RALA: variants seen among roughly 807,000 people sequenced by gnomAD.
RALA encodes ras-related protein Ral-A.
In RALA, 5 loss-of-function variants were observed where a neutral mutation model predicts 24.0. That is an observed-to-expected ratio of 0.21 (90% CI 0.11 to 0.44). RALA has a LOEUF of 0.44. Ranked by LOEUF, RALA falls within the 20% of genes least tolerant of loss-of-function variation. The pLI is 0.99. For missense variants in RALA, 95 were observed against 241.2 expected (o/e 0.39, Z 4.01); for synonymous variants, 77 against 83.8 (o/e 0.92, Z 0.44).
In RALA at chr7:39,706,398, A is replaced by G. The variant is rs1054767082; in HGVS notation, c.*153A>G. ...TGAATTGGAACTGCAATGAAAGTCA[A>G]ATTTACTTTAAAAAGAAATTAATAT... On this transcript the variant is annotated 3_prime_UTR_variant, in exon 5 of 5. Coordinates refer to ENST00000005257, the MANE Select transcript of RALA (RefSeq NM_005402.4). 2 of 773,008 alleles carry G rather than the reference A, an allele frequency of 2.6e-6. No individual in the cohort carries two copies. Among genetic ancestry groups the G allele is most frequent in the South Asian group, 2.0e-5 (1 of 50,824 alleles). 47.9% of individuals were successfully genotyped at this position (773,008 alleles called of 1,614,324 possible). A position where few individuals can be genotyped will look rare whatever the true frequency, so the allele number is the denominator to read the frequency against.
chr7:39,641,476 G>C (rs1791815979), intron 1 of RALA, among the ~76,000 whole-genome samples: 1 of 152,084 alleles, frequency 6.6e-6, no homozygotes, highest in Admixed American at 6.5e-5. Context: ...ACTTCTCATG[G>C]ACGTTCTTTT....
At chr7:39,695,770 CTT>C (rs1464320260) in intron 3 of RALA, among the ~76,000 whole-genome samples, 4 of 152,138 alleles carry the variant, frequency 2.6e-5, no homozygotes, top group Non-Finnish European at 5.9e-5. Context: ...AGAGGGCTGA[CTT>C]TACTTACGTT....
chr7:39,690,699 C>T, intron 3 of RALA, 109 bp downstream of exon 3: 2 of 837,942 alleles, frequency 2.4e-6, no homozygotes, highest in Non-Finnish European at 3.7e-6. Flanking sequence ...TACTCTGTCT[C>T]TAATTGTGTT....
chr7:39,647,734 T>C (rs1051565545), intron 1 of RALA, among the ~76,000 whole-genome samples: 10 of 152,144 alleles, frequency 6.6e-5, no homozygotes, highest in African/African-American at 2.4e-4. Context: ...GATCCCTTGC[T>C]CCTTCCACCA....
At chr7:39,628,710 C>T (rs1240267503) in intron 1 of RALA, among the ~76,000 whole-genome samples, 1 of 152,192 alleles carries the variant, frequency 6.6e-6, no homozygotes, top group Non-Finnish European at 1.5e-5. Flanking sequence ...CACGCGGCAC[C>T]ATGCCTGGCT....
At chr7:39,673,429 A>G (rs910264484) in intron 1 of RALA, among the ~76,000 whole-genome samples, 2 of 152,094 alleles carry the variant, frequency 1.3e-5, no homozygotes, top group African/African-American at 4.8e-5. Context: ...GTCATGCTTT[A>G]TGTTACTTAA....
chr7:39,626,594 T>C (rs1323644000), intron 1 of RALA, among the ~76,000 whole-genome samples: 1 of 152,218 alleles, frequency 6.6e-6, no homozygotes, highest in Admixed American at 6.5e-5. Context: ...TCAGCGTGCC[T>C]ACAAATACAG....
chr7:39,690,869 ATTTCTCT>A (rs2116082967), intron 3 of RALA, among the ~76,000 whole-genome samples: 1 of 152,264 alleles, frequency 6.6e-6, no homozygotes, highest in East Asian at 1.9e-4. Context: ...TTACTGAAGT[ATTTCTCT>A]TTAGTGTAAA....
chr7:39,670,694 G>A (rs1583733745), intron 1 of RALA, among the ~76,000 whole-genome samples: 1 of 152,050 alleles, frequency 6.6e-6, no homozygotes, highest in Non-Finnish European at 1.5e-5. Flanking sequence ...AATATAAATA[G>A]CAGTTTATGA....
chr7:39,644,129 T>C (rs2115950727), intron 1 of RALA, among the ~76,000 whole-genome samples: 1 of 152,282 alleles, frequency 6.6e-6, no homozygotes, highest in Middle Eastern at 3.4e-3. Context: ...AATACTATTC[T>C]ACCTGAGTAC....
rs558732818 is a variant in RALA, at chr7:39,685,489, A to G, written c.-37-1142A>G. 5.9e-5 allele frequency among the ~76,000 whole-genome samples: 9 copies of G among 152,268 alleles called. No individual in the cohort carries two copies. In the South Asian group the frequency reaches 1.9e-3, roughly 32 times the overall value. ...CAACCCCCTCAACCCCCAATAACAA[A>G]AAGTCTCTTTGCTTGGATCTCCACA... is the stretch of plus-strand genomic sequence containing the variant. On this transcript the variant is annotated intron_variant, in intron 1 of 4. Transcript: ENST00000005257.
chr7:39,688,650 T>C (rs1792755276), intron 2 of RALA, among the ~76,000 whole-genome samples: 1 of 151,258 alleles, frequency 6.6e-6, no homozygotes, highest in Non-Finnish European at 1.5e-5. Context: ...CTCAGCTCAC[T>C]GCAACCTCCA....
At chr7:39,697,191 T>C (rs112274710) in intron 4 of RALA, among the ~76,000 whole-genome samples, 11 of 152,310 alleles carry the variant, frequency 7.2e-5, no homozygotes, top group African/African-American at 2.2e-4. Context: ...ATTCCAGCAC[T>C]AAACCGTTCT....
chr7:39,681,234 A>T (rs1792593081), intron 1 of RALA, among the ~76,000 whole-genome samples: 1 of 145,878 alleles, frequency 6.9e-6, no homozygotes, highest in African/African-American at 2.5e-5. Flanking sequence ...GCATTTCTCC[A>T]TTCATCTTGA....
intron 1 of RALA, among the ~76,000 whole-genome samples, chr7:39,632,971 T>A (rs1791622758): frequency 1.3e-5 from 2 of 152,046 alleles, no homozygotes; most frequent in Non-Finnish European, 2.9e-5. Context: ...CAGCCCTGAG[T>A]TTTCTTGCTT....
intron 1 of RALA, among the ~76,000 whole-genome samples, chr7:39,663,605 A>G (rs1164103280): frequency 1.3e-5 from 2 of 152,000 alleles, no homozygotes; most frequent in Non-Finnish European, 2.9e-5. Flanking sequence ...TTCAAGATGA[A>G]TGAATCCAGA....
chr7:39,690,429 G>C lies in RALA; in HGVS notation c.162G>C (p.Lys54Asn). The C allele has an allele frequency of 6.2e-7, 1 of 1,614,094 alleles. No individual in the cohort carries two copies. Among genetic ancestry groups the C allele is most frequent in the Non-Finnish European group, 8.5e-7 (1 of 1,179,966 alleles). The change falls in exon 3 of 5, where the codon AAG (lysine) becomes AAC (asparagine). Residue 54 changes from lysine to asparagine, a missense_variant. Lys to Asn is a moderately conservative substitution (Grantham distance 94). Transcript: ENST00000005257. ...EPTKADSYRK[K>N]VVLDGEEVQI... is the part of the protein sequence containing the mutation. ...CCAAAGCAGACAGCTATCGGAAGAAGGTAGTGCTAGATGGGGAGGAAGTCC... is the reference window on the plus strand; with the variant it reads ...CCAAAGCAGACAGCTATCGGAAGAACGTAGTGCTAGATGGGGAGGAAGTCC...
chr7:39,644,102 T>A (rs1791885238), intron 1 of RALA, among the ~76,000 whole-genome samples: 1 of 152,198 alleles, frequency 6.6e-6, no homozygotes, highest in Admixed American at 6.6e-5. Flanking sequence ...CTTTACTGAA[T>A]ATAACTCAGA....
intron 1 of RALA, among the ~76,000 whole-genome samples, chr7:39,682,663 G>A (rs765848280): frequency 1.3e-5 from 2 of 151,966 alleles, no homozygotes; most frequent in Non-Finnish European, 2.9e-5. Context: ...TTCTTTCTAA[G>A]ACGGAGTCTC....
Sources: gnomAD v4.1 joint callset for allele counts (sites outside exome capture counted in the v4.1 genomes callset) on GRCh38, gnomAD v4.1.1 for gene constraint, MANE v1.5 for transcripts, NCBI Gene and HGNC (gene_info 2026-07-23, HGNC 2026-07-21) for gene names.